The following TMEM132D variants were observed in gnomAD, a reference collection of about 807,000 sequenced individuals.
TMEM132D encodes mature OL transmembrane protein.
In TMEM132D, 21 loss-of-function variants were observed where a neutral mutation model predicts 62.3. The ratio of observed to expected loss-of-function variants is 0.34; its 90% CI spans 0.24 to 0.49. The LOEUF (loss-of-function observed/expected upper bound fraction) is 0.49. TMEM132D is among the 20% of genes least tolerant of loss of function. The pLI is 0.99. For missense variants in TMEM132D, 1,346 were observed against 1,402.8 expected (o/e 0.96, Z 0.65); for synonymous variants, 621 against 575.6 (o/e 1.08, Z -1.13).
chr12:129,719,838 A>G (rs996499968), intron 1 of TMEM132D, among the ~76,000 whole-genome samples: 1 of 152,216 alleles, frequency 6.6e-6, no homozygotes, highest in Non-Finnish European at 1.5e-5. Flanking sequence ...ATCTGGTTCT[A>G]AGCTTAGGAG....
intron 2 of TMEM132D, among the ~76,000 whole-genome samples, chr12:129,566,226 C>A (rs1181040728): frequency 2.6e-5 from 4 of 152,138 alleles, no homozygotes; most frequent in Admixed American, 1.3e-4. Context: ...AATAAACTGG[C>A]AATATTTGTT....
chr12:129,665,525 A>G (rs1880356555), intron 2 of TMEM132D, among the ~76,000 whole-genome samples: 1 of 152,142 alleles, frequency 6.6e-6, no homozygotes, highest in Non-Finnish European at 1.5e-5. Flanking sequence ...TCAGTCAAAA[A>G]GGAAAACATG....
chr12:129,225,726 C>A (rs1879464920), intron 4 of TMEM132D, among the ~76,000 whole-genome samples: 2 of 152,058 alleles, frequency 1.3e-5, no homozygotes, highest in African/African-American at 4.8e-5. Flanking sequence ...TACATGGATT[C>A]AATTACGTTC....
chr12:129,485,240 C>T (rs1874548891), intron 3 of TMEM132D, among the ~76,000 whole-genome samples: 1 of 152,184 alleles, frequency 6.6e-6, no homozygotes, highest in African/African-American at 2.4e-5. Context: ...CCTCAGACAA[C>T]CCAACAGGAG....
At chr12:129,150,100 G>C (rs1053780666) in intron 5 of TMEM132D, among the ~76,000 whole-genome samples, 1 of 152,248 alleles carries the variant, frequency 6.6e-6, no homozygotes, top group Non-Finnish European at 1.5e-5. Context: ...TGTCCCAGAG[G>C]ACAGCACAGG....
intron 2 of TMEM132D, among the ~76,000 whole-genome samples, chr12:129,670,754 A>T (rs554009134): frequency 1.4e-4 from 21 of 152,282 alleles, no homozygotes; most frequent in African/African-American, 5.1e-4. Context: ...GGCAAGGTGG[A>T]TCCCTTGGGT....
At chr12:129,428,344 A>C (rs1179241008) in intron 3 of TMEM132D, among the ~76,000 whole-genome samples, 2 of 152,256 alleles carry the variant, frequency 1.3e-5, no homozygotes, top group African/African-American at 4.8e-5. Flanking sequence ...CACCAACAAC[A>C]GTAGTAACAA....
intron 1 of TMEM132D, among the ~76,000 whole-genome samples, chr12:129,882,679 T>C (rs575971192): frequency 1.3e-5 from 2 of 152,336 alleles, no homozygotes; most frequent in Non-Finnish European, 2.9e-5. Context: ...CACTATACAT[T>C]ATATGTACTG....
chr12:129,074,594 T>A lies in TMEM132D; in HGVS notation c.2581A>T (p.Ile861Phe). The change falls in exon 9 of 9, where the codon ATC (isoleucine) becomes TTC (phenylalanine). Residue 861 changes from isoleucine (I) to phenylalanine (F), a missense_variant. Physicochemically the swap from Ile to Phe is conservative, Grantham distance 21. Coordinates refer to ENST00000422113, the MANE Select transcript of TMEM132D (RefSeq NM_133448.3). ...EGRGTTTDRS[I>F]LQKKKGQESL... ...TCCTGGCCTTTCTTCTTCTGCAGGATGGACCTGTCTGTCGTGGTGCCCCGT... is the reference window on the plus strand; with the variant it reads ...TCCTGGCCTTTCTTCTTCTGCAGGAAGGACCTGTCTGTCGTGGTGCCCCGT... The A allele has an allele frequency of 6.2e-7, 1 of 1,614,120 alleles. No individual in the cohort carries two copies. The highest frequency in any genetic ancestry group is 8.5e-7 in the Non-Finnish European group (1 of 1,180,028).
intron 4 of TMEM132D, among the ~76,000 whole-genome samples, chr12:129,246,990 G>A (rs1400333793): frequency 6.6e-6 from 1 of 152,126 alleles, no homozygotes; most frequent in Non-Finnish European, 1.5e-5. Context: ...TGTTCATTAA[G>A]CTGGTATCAA....
intron 5 of TMEM132D, among the ~76,000 whole-genome samples, chr12:129,145,863 A>G (rs1039570278): frequency 1.7e-4 from 26 of 152,154 alleles, no homozygotes; most frequent in Non-Finnish European, 2.8e-4. Context: ...ATGGGTTCTT[A>G]GCCAGTAAAG....
intron 4 of TMEM132D, among the ~76,000 whole-genome samples, chr12:129,249,662 T>A (rs548798265): frequency 6.6e-6 from 1 of 152,166 alleles, no homozygotes. Flanking sequence ...GGGAGATTTA[T>A]CCATTTCCAT....
intron 5 of TMEM132D, among the ~76,000 whole-genome samples, chr12:129,157,858 G>A (rs1877291601): frequency 6.6e-6 from 1 of 152,140 alleles, no homozygotes; most frequent in Admixed American, 6.5e-5. Context: ...CCACTTGCTA[G>A]AATGCTAGAT....
At chr12:129,877,240 A>G (rs1874443967) in intron 1 of TMEM132D, among the ~76,000 whole-genome samples, 1 of 151,524 alleles carries the variant, frequency 6.6e-6, no homozygotes, top group Non-Finnish European at 1.5e-5. Flanking sequence ...GAGCTGAGAC[A>G]GAATGAAATA....
chr12:129,639,186 C>A (rs1001166344), intron 2 of TMEM132D, among the ~76,000 whole-genome samples: 1 of 151,638 alleles, frequency 6.6e-6, no homozygotes. Flanking sequence ...AGTTTGAGAG[C>A]AGCCTGGCCA....
At chr12:129,606,674 C>T (rs1878633468) in intron 2 of TMEM132D, among the ~76,000 whole-genome samples, 2 of 152,042 alleles carry the variant, frequency 1.3e-5, no homozygotes, top group Admixed American at 1.3e-4. Flanking sequence ...AGGGAGAACT[C>T]AGAACTAACA....
intron 3 of TMEM132D, among the ~76,000 whole-genome samples, chr12:129,388,480 A>G (rs1490781039): frequency 9.1e-5 from 10 of 110,178 alleles, no homozygotes; most frequent in Non-Finnish European, 1.5e-4. Flanking sequence ...ACCAACACAA[A>G]TCCTAATATA....
rs1874022879 is a variant in TMEM132D, at chr12:129,865,291, G to A, written c.79+37970C>T. The stretch of plus-strand genomic sequence containing the variant: ...TGCAGAGAAGGAAATGAACTTGGAG[G>A]CAGGGGTTCCATGAACAGAATAATG... On this transcript the variant is annotated intron_variant, in intron 1 of 8. Coordinates refer to ENST00000422113, the MANE Select transcript of TMEM132D (RefSeq NM_133448.3). Among the ~76,000 whole-genome samples the A allele has an allele frequency of 2.0e-5, 3 of 152,322 alleles. No homozygotes were observed. The South Asian group carries it at 6.2e-4, about 32-fold the overall frequency.
chr12:129,789,547 G>A (rs1451823542), intron 1 of TMEM132D, among the ~76,000 whole-genome samples: 2 of 152,200 alleles, frequency 1.3e-5, no homozygotes, highest in Non-Finnish European at 2.9e-5. Flanking sequence ...ATACTACTCA[G>A]CTATAAATGA....
Sources: gnomAD v4.1 joint callset for allele counts (sites outside exome capture counted in the v4.1 genomes callset) on GRCh38, gnomAD v4.1.1 for gene constraint, MANE v1.5 for transcripts, NCBI Gene and HGNC (gene_info 2026-07-23, HGNC 2026-07-21) for gene names.